SELENOF: variants seen among roughly 807,000 people sequenced by gnomAD.
SELENOF encodes the protein 15 kDa selenoprotein.
Under a neutral mutation model 20.5 loss-of-function variants are expected in SELENOF, and 16 were observed. The observed-to-expected ratio is 0.78, with a 90% CI of 0.53 to 1.19. SELENOF has a LOEUF of 1.19. Among genes scored for constraint, SELENOF ranks in the 50% most tolerant of loss-of-function variants. SELENOF has a pLI of 0.00. For synonymous variants in SELENOF, 78 were observed against 74.5 expected (o/e 1.05, Z -0.24); for missense variants, 215 against 194.2 (o/e 1.11, Z -0.64).
rs531507027 is a variant in SELENOF, at chr1:86,897,751, T to G, written c.252+5530A>C. On this transcript the variant is annotated intron_variant, in intron 2 of 4. Transcript: ENST00000331835. ...ATCCTTGTCAAAAATTTCAAAAAAATTTTTTGAAAGCCAGTCAGTAGTGAG... is the reference window on the plus strand; with the variant it reads ...ATCCTTGTCAAAAATTTCAAAAAAAGTTTTTGAAAGCCAGTCAGTAGTGAG... Among the ~76,000 whole-genome samples, 4 of 152,234 alleles carry G rather than the reference T, an allele frequency of 2.6e-5. No homozygotes were observed. In the South Asian group the frequency reaches 6.2e-4, roughly 24 times the overall value.
chr1:86,868,139 T>C, intron 3 of SELENOF, 37 bp from the exon 4 acceptor site: 1 of 999,576 alleles, frequency 1.0e-6, no homozygotes, highest in Non-Finnish European at 1.5e-6. Context: ...GTAGTTCACT[T>C]CCAAATCCAA....
chr1:86,890,027 T>C (rs1030068452), intron 2 of SELENOF, among the ~76,000 whole-genome samples: 3 of 152,224 alleles, frequency 2.0e-5, no homozygotes, highest in African/African-American at 7.2e-5. Context: ...GTTTACTCTT[T>C]ATAATCCTTT....
At chr1:86,894,631 G>A in intron 2 of SELENOF, among the ~76,000 whole-genome samples, 1 of 152,120 alleles carries the variant, frequency 6.6e-6, no homozygotes, top group East Asian at 1.9e-4. Flanking sequence ...TTGAGGCCAG[G>A]AGTTCAAGAC....
At chr1:86,913,993 T>C (rs750581477) in intron 1 of SELENOF, 35 bp downstream of exon 1, 1 of 1,580,732 alleles carries the variant, frequency 6.3e-7, no homozygotes, top group Non-Finnish European at 8.7e-7. Flanking sequence ...ACTCCTACTC[T>C]CCCTGTGGCA....
chr1:86,893,197 G>A (rs770185269), intron 2 of SELENOF, among the ~76,000 whole-genome samples: 4 of 152,134 alleles, frequency 2.6e-5, no homozygotes, highest in East Asian at 1.9e-4. Flanking sequence ...AACACTTAGC[G>A]TATAACCAGT....
chr1:86,867,812 C>T (rs1385600151), intron 4 of SELENOF, among the ~76,000 whole-genome samples: 2 of 147,008 alleles, frequency 1.4e-5, no homozygotes, highest in Admixed American at 1.4e-4. Context: ...GGGGTGGGGG[C>T]CAGGGAGTAT....
chr1:86,895,425 CTT>C (rs1659496633), intron 2 of SELENOF, among the ~76,000 whole-genome samples: 1 of 152,206 alleles, frequency 6.6e-6, no homozygotes, highest in Non-Finnish European at 1.5e-5. Context: ...TTACCTACTA[CTT>C]GTTATATGCT....
intron 2 of SELENOF, among the ~76,000 whole-genome samples, chr1:86,893,046 C>T (rs1487429424): frequency 1.3e-5 from 2 of 152,062 alleles, no homozygotes; most frequent in Non-Finnish European, 2.9e-5. Context: ...ATCAAATAGA[C>T]CTGAGATAAA....
chr1:86,865,134 C>T (rs549486856), intron 4 of SELENOF, among the ~76,000 whole-genome samples: 21 of 152,058 alleles, frequency 1.4e-4, no homozygotes, highest in African/African-American at 4.8e-4. Flanking sequence ...GAATTATATG[C>T]CACAATCAGT....
intron 2 of SELENOF, among the ~76,000 whole-genome samples, chr1:86,900,372 G>C (rs556741469): frequency 6.6e-6 from 1 of 152,198 alleles, no homozygotes; most frequent in African/African-American, 2.4e-5. Flanking sequence ...GATCACTCGC[G>C]GTTAGGAGCT....
chr1:86,890,039 AT>A (rs1322782302), intron 2 of SELENOF, among the ~76,000 whole-genome samples: 1 of 152,190 alleles, frequency 6.6e-6, no homozygotes, highest in African/African-American at 2.4e-5. Context: ...TAATCCTTTA[AT>A]TTTGTCCCCT....
chr1:86,872,269 T>C (rs1251540261), intron 3 of SELENOF, among the ~76,000 whole-genome samples: 2 of 152,238 alleles, frequency 1.3e-5, no homozygotes, highest in Admixed American at 6.5e-5. Flanking sequence ...TTGACTATCA[T>C]GCATGAAATG....
chr1:86,914,222 G>T (rs1169683788), upstream of SELENOF: 5 of 890,410 alleles, frequency 5.6e-6, no homozygotes, highest in East Asian at 2.5e-5. Flanking sequence ...CTCTCATTTG[G>T]AAGTGACAGG....
At chr1:86,898,816 T>C (rs1369520483) in intron 2 of SELENOF, among the ~76,000 whole-genome samples, 1 of 151,872 alleles carries the variant, frequency 6.6e-6, no homozygotes, top group Non-Finnish European at 1.5e-5. Flanking sequence ...TGATCATTCT[T>C]GGGTGTTTCT....
chr1:86,888,533 C>T (rs1035172791), intron 2 of SELENOF, among the ~76,000 whole-genome samples: 3 of 152,108 alleles, frequency 2.0e-5, no homozygotes, highest in Non-Finnish European at 2.9e-5. Flanking sequence ...CTTGTTCTCC[C>T]GAAGTGTTAG....
intron 2 of SELENOF, 99 bp downstream of exon 2, chr1:86,903,182 C>G (rs866758192): frequency 1.9e-6 from 2 of 1,069,574 alleles, no homozygotes; most frequent in Middle Eastern, 5.1e-4. Context: ...AATGTAAAAG[C>G]TTAGAGGCTT....
At chr1:86,895,998 G>T (rs1033798879) in intron 2 of SELENOF, among the ~76,000 whole-genome samples, 1 of 152,056 alleles carries the variant, frequency 6.6e-6, no homozygotes, top group African/African-American at 2.4e-5. Context: ...GAGGCCGAGG[G>T]GAGTGGAACA....
chr1:86,863,367 A>G lies in SELENOF; in HGVS notation c.*107T>C. ...ATTTAATTAGATATTTAATGCCTCA[A>G]GTAAAAGACTGATCAATGGAAGCAA... is the stretch of plus-strand genomic sequence containing the variant. On this transcript the variant is annotated 3_prime_UTR_variant, in exon 5 of 5. Transcript: ENST00000331835. The G allele has an allele frequency of 1.1e-6, 1 of 901,048 alleles. No homozygotes were observed. Among genetic ancestry groups the G allele is most frequent in the Non-Finnish European group, 1.6e-6 (1 of 607,740 alleles). The allele number at this position is 901,048 out of a possible 1,614,324, so 55.8% of individuals were successfully genotyped here.
intron 2 of SELENOF, among the ~76,000 whole-genome samples, 197 bp from the exon 3 acceptor site, chr1:86,880,922 T>C (rs1659051623): frequency 6.6e-6 from 1 of 152,196 alleles, no homozygotes; most frequent in African/African-American, 2.4e-5. Flanking sequence ...GTATAATAAA[T>C]GGTAGAGAAA....
Sources: allele counts gnomAD v4.1 joint callset (sites outside exome capture counted in the v4.1 genomes callset), GRCh38; gene constraint gnomAD v4.1.1; transcripts MANE v1.5; gene names NCBI Gene and HGNC (gene_info 2026-07-23, HGNC 2026-07-21).